The following APCDD1 variants were observed in gnomAD, a reference collection of about 807,000 sequenced individuals.
The protein encoded by APCDD1 is protein APCDD1.
Under a neutral mutation model 38.1 loss-of-function variants are expected in APCDD1, and 15 were observed. The observed-to-expected ratio is 0.39, with a 90% CI of 0.26 to 0.61. The LOEUF (loss-of-function observed/expected upper bound fraction) is 0.61, where lower values mean the gene tolerates loss of function less well. Among genes scored for constraint, APCDD1 ranks in the 20% least tolerant of loss-of-function variants. The probability of loss-of-function intolerance (pLI) is 0.49; values close to 1 mark genes in which losing one functional copy is unlikely to be tolerated. For synonymous variants in APCDD1, 261 were observed against 279.7 expected (o/e 0.93, Z 0.67); for missense variants, 647 against 696.2 (o/e 0.93, Z 0.79).
chr18:10,468,676 G>A, intron 2 of APCDD1, 24 bp downstream of exon 2: 1 of 1,611,104 alleles, frequency 6.2e-7, no homozygotes, highest in Non-Finnish European at 8.5e-7. Flanking sequence ...TGGGGTCTGG[G>A]AGAGGCCAGA....
rs2031307905 is a variant in APCDD1, at chr18:10,488,701, A to AT, written c.*668dup. Reference sequence around the variant, plus strand: ...TTAAAGTTTCGAAGTAATTTAACCTATTTTTACATCATTTGTCTTACCTTG... The same window carrying AT: ...TTAAAGTTTCGAAGTAATTTAACCTATTTTTTACATCATTTGTCTTACCTTG... On this transcript the variant is annotated 3_prime_UTR_variant, in exon 5 of 5. Coordinates refer to ENST00000355285, the MANE Select transcript of APCDD1 (RefSeq NM_153000.5). The AT allele has an allele frequency of 6.6e-6, 1 of 152,272 alleles. No individual in the cohort carries two copies. The highest frequency in any genetic ancestry group is 2.4e-5 in the African/African-American group (1 of 41,444). 9.4% of individuals were successfully genotyped at this position (152,272 alleles called of 1,614,324 possible). A position where few individuals can be genotyped will look rare whatever the true frequency, so the allele number is the denominator to read the frequency against.
At chr18:10,462,774 C>A (rs539044825) in intron 1 of APCDD1, among the ~76,000 whole-genome samples, 254 of 151,846 alleles carry the variant, frequency 1.7e-3, no homozygotes, top group African/African-American at 6.0e-3. Flanking sequence ...CAACACTACA[C>A]AAAAGATTTA....
Position 10,469,408 on chromosome 18 carries a change from A to G in APCDD1, c.242+756A>G, listed in dbSNP as rs2030798229. On this transcript the variant is annotated intron_variant, in intron 2 of 4. Coordinates refer to ENST00000355285, the MANE Select transcript of APCDD1 (RefSeq NM_153000.5). The surrounding 1 kb of genome is among the most constrained non-coding windows in gnomAD (Gnocchi z 5.5). ...TGAAGACCCAGAATTTTATTTCATA[A>G]AAATGAGGTCTCTCCAAATAACCAC... Among the ~76,000 whole-genome samples, 1 of 152,246 alleles carries G rather than the reference A, an allele frequency of 6.6e-6. No individual in the cohort carries two copies. The highest frequency in any genetic ancestry group is 1.5e-5 in the Non-Finnish European group (1 of 68,050).
intron 3 of APCDD1, among the ~76,000 whole-genome samples, chr18:10,473,650 C>G (rs1217875252): frequency 6.6e-6 from 1 of 152,154 alleles, no homozygotes; most frequent in Non-Finnish European, 1.5e-5. Flanking sequence ...GAAGGAGAAT[C>G]GGCTCATAGG....
intron 3 of APCDD1, among the ~76,000 whole-genome samples, chr18:10,478,643 G>C (rs2031062516): frequency 6.6e-6 from 1 of 152,164 alleles, no homozygotes; most frequent in South Asian, 2.1e-4. Context: ...GTACCCTCAT[G>C]ACCTAGTCAC....
At position 10,487,791 on chromosome 18, in the gene APCDD1, G is replaced by A; in HGVS notation, c.1298G>A (p.Gly433Glu). 1 of 1,614,128 alleles carries A rather than the reference G, an allele frequency of 6.2e-7. No individual in the cohort carries two copies. Among genetic ancestry groups the A allele is most frequent in the South Asian group, 1.1e-5 (1 of 91,088 alleles). ...TTCAAAATGGAACAGGATGCCCGGG[G>A]GCGCTATCTGCTGTTCAACGGTCAG... ...EIFKMEQDAR[G>E]RYLLFNGQRP... The change falls in exon 5 of 5, where the codon GGG becomes GAG. Residue 433 changes from glycine (G) to glutamate (E), a missense_variant. Transcript: ENST00000355285.
chr18:10,455,693 A>G (rs1362510437), intron 1 of APCDD1, among the ~76,000 whole-genome samples: 3 of 152,170 alleles, frequency 2.0e-5, no homozygotes, highest in African/African-American at 7.2e-5. Flanking sequence ...TGTGCACCCC[A>G]ACTTGACGTC....
intron 2 of APCDD1, 28 bp downstream of exon 2, chr18:10,468,680 G>C: frequency 3.7e-6 from 6 of 1,610,842 alleles, no homozygotes; most frequent in Non-Finnish European, 5.1e-6. Context: ...GTCTGGGAGA[G>C]GCCAGAGAGC....
At position 10,488,568 on chromosome 18, in the gene APCDD1, T is replaced by C. The variant is rs2031304800; in HGVS notation, c.*530T>C. ...AGAGACACAGGTGTAGATATGTATA[T>C]ACAAAAAGATGTACGGTCTGGCCAA... On this transcript the variant is annotated 3_prime_UTR_variant, in exon 5 of 5. Transcript: ENST00000355285. 6.5e-6 allele frequency: 1 copy of C among 152,918 alleles called. No homozygotes were observed. Among genetic ancestry groups the C allele is most frequent in the Non-Finnish European group, 1.5e-5 (1 of 68,698 alleles). 9.5% of individuals were successfully genotyped at this position (152,918 alleles called of 1,614,324 possible). A position where few individuals can be genotyped will look rare whatever the true frequency, so the allele number is the denominator to read the frequency against.
chr18:10,460,216 T>C (rs2030497870), intron 1 of APCDD1, among the ~76,000 whole-genome samples: 1 of 152,236 alleles, frequency 6.6e-6, no homozygotes, highest in Non-Finnish European at 1.5e-5. Context: ...ATAATTCAGA[T>C]TGTTAAAACT....
At chr18:10,483,899 G>T (rs938227246) in intron 3 of APCDD1, among the ~76,000 whole-genome samples, 2 of 152,224 alleles carry the variant, frequency 1.3e-5, no homozygotes, top group African/African-American at 4.8e-5. Context: ...GGAGAATAGC[G>T]GAGGGATGAC....
At chr18:10,464,333 C>CACACACACAG (rs1178097570) in intron 1 of APCDD1, among the ~76,000 whole-genome samples, 1 of 150,508 alleles carries the variant, frequency 6.6e-6, no homozygotes, top group Non-Finnish European at 1.5e-5. Context: ...CACACACACA[C>CACACACACAG]ACACACACAC....
chr18:10,459,548 C>T (rs928706881), intron 1 of APCDD1, among the ~76,000 whole-genome samples: 5 of 152,020 alleles, frequency 3.3e-5, no homozygotes, highest in African/African-American at 7.3e-5. Context: ...TAAAGAGAGA[C>T]GACTTTTAGA....
intron 3 of APCDD1, among the ~76,000 whole-genome samples, chr18:10,474,680 C>A (rs931395000): frequency 6.6e-6 from 1 of 152,170 alleles, no homozygotes; most frequent in Non-Finnish European, 1.5e-5. Flanking sequence ...CTCTCTACCC[C>A]GTTGCACTCC....
rs956536247 is a variant in APCDD1, at chr18:10,471,896, C to T, written c.609C>T (p.Asn203=). 6.2e-7 allele frequency: 1 copy of T among 1,614,210 alleles called. No individual in the cohort carries two copies. The highest frequency in any genetic ancestry group is 8.5e-7 in the Non-Finnish European group (1 of 1,180,048). ...ENGCECTKAV[N]FAMHELQLIR... Reference sequence around the variant, plus strand: ...GCTGTGAGTGCACCAAGGCCGTGAACTTTGCCATGCATGAACTTCAGCTCA... The same window carrying T: ...GCTGTGAGTGCACCAAGGCCGTGAATTTTGCCATGCATGAACTTCAGCTCA... The change falls in exon 3 of 5, where the codon AAC becomes AAT. Residue 203 remains asparagine (N), a synonymous_variant. Coordinates refer to ENST00000355285, the MANE Select transcript of APCDD1 (RefSeq NM_153000.5). This position sits in a 1 kb window ranked among gnomAD's most constrained non-coding sequence, Gnocchi z 5.5.
At chr18:10,464,495 T>A (rs1411786620) in intron 1 of APCDD1, among the ~76,000 whole-genome samples, 1 of 152,226 alleles carries the variant, frequency 6.6e-6, no homozygotes, top group Admixed American at 6.5e-5. Flanking sequence ...CGATCATAGC[T>A]CACTGCAGCC....
chr18:10,474,589 C>T (rs2030947098), intron 3 of APCDD1, among the ~76,000 whole-genome samples: 2 of 152,212 alleles, frequency 1.3e-5, no homozygotes, highest in South Asian at 4.1e-4. Context: ...CCTTCATGCG[C>T]CTGCACGGGC....
At position 10,487,753 on chromosome 18, in the gene APCDD1, G is replaced by T; in HGVS notation, c.1260G>T (p.Thr420=). 1 of 1,614,156 alleles carries T rather than the reference G, an allele frequency of 6.2e-7. No homozygotes were observed. The highest frequency in any genetic ancestry group is 1.1e-5 in the South Asian group (1 of 91,084). Residue 420 remains threonine (T), a synonymous_variant, in exon 5 of 5, where the codon ACG becomes ACT. Coordinates refer to ENST00000355285, the MANE Select transcript of APCDD1 (RefSeq NM_153000.5). ...CVALGIKLPH[T]EYEIFKMEQD... is the part of the protein sequence containing the mutation. ...CCCTGGGCATCAAACTACCTCACAC[G>T]GAGTACGAGATCTTCAAAATGGAAC...
intron 3 of APCDD1, among the ~76,000 whole-genome samples, chr18:10,481,143 T>C (rs1362363755): frequency 6.6e-6 from 1 of 152,158 alleles, no homozygotes; most frequent in Non-Finnish European, 1.5e-5. Flanking sequence ...AATGGTACGG[T>C]GGTTCCCCCC....
Sources: allele counts gnomAD v4.1 joint callset (sites outside exome capture counted in the v4.1 genomes callset), GRCh38; gene constraint gnomAD v4.1.1; non-coding constraint Gnocchi (gnomAD v3.1); transcripts MANE v1.5; gene names NCBI Gene and HGNC (gene_info 2026-07-23, HGNC 2026-07-21).